GALNTL6: variants seen among roughly 807,000 people sequenced by gnomAD.
The protein encoded by GALNTL6 is polypeptide N-acetylgalactosaminyltransferase-like 6.
GALNTL6 carries 46 observed loss-of-function variants against 73.7 expected under a neutral mutation model. That is an observed-to-expected ratio of 0.62 (90% CI 0.49 to 0.80). The LOEUF is 0.80. GALNTL6 is among the 30% of genes least tolerant of loss of function. GALNTL6 has a pLI of 0.00. For missense variants in GALNTL6, 604 were observed against 755.0 expected (o/e 0.80, Z 2.34); for synonymous variants, 259 against 263.7 (o/e 0.98, Z 0.17).
chr4:171,828,192 T>A (rs1347542380), intron 2 of GALNTL6, among the ~76,000 whole-genome samples: 3 of 152,218 alleles, frequency 2.0e-5, no homozygotes, highest in Non-Finnish European at 4.4e-5. Flanking sequence ...TGCAGGAATT[T>A]CATAGCCACT....
intron 5 of GALNTL6, among the ~76,000 whole-genome samples, chr4:172,798,658 T>C: frequency 6.6e-6 from 1 of 152,130 alleles, no homozygotes; most frequent in South Asian, 2.1e-4. Flanking sequence ...TCAAATCATC[T>C]CCCAAAAGGT....
chr4:172,642,506 A>G lies in GALNTL6; in HGVS notation c.554-166855A>G, dbSNP rs574036919. Among the ~76,000 whole-genome samples the G allele has an allele frequency of 4.6e-5, 7 of 152,126 alleles. No homozygotes were observed. The South Asian group carries it at 1.4e-3, about 32-fold the overall frequency. On this transcript the variant is annotated intron_variant, in intron 5 of 12. Transcript: ENST00000506823. ...AGACAAATACTACATGATCTCACTT[A>G]TGTGGAATCTTAAAAAGTCAAATTT...
intron 5 of GALNTL6, among the ~76,000 whole-genome samples, chr4:172,751,413 T>G (rs1429250529): frequency 6.6e-6 from 1 of 152,224 alleles, no homozygotes; most frequent in Non-Finnish European, 1.5e-5. Flanking sequence ...CACATCTTAA[T>G]AGGACAAACT....
At chr4:171,835,542 G>C (rs1230033180) in intron 2 of GALNTL6, among the ~76,000 whole-genome samples, 1 of 151,886 alleles carries the variant, frequency 6.6e-6, no homozygotes, top group South Asian at 2.1e-4. Context: ...CTATTATTAT[G>C]TATAATGTAA....
intron 5 of GALNTL6, among the ~76,000 whole-genome samples, chr4:172,569,303 C>T (rs755825441): frequency 1.3e-5 from 2 of 152,078 alleles, no homozygotes; most frequent in African/African-American, 2.4e-5. Flanking sequence ...AGGGAGCTCT[C>T]GCAGGTCTCT....
At chr4:171,884,795 C>T (rs1213406353) in intron 2 of GALNTL6, among the ~76,000 whole-genome samples, 2 of 152,028 alleles carry the variant, frequency 1.3e-5, no homozygotes, top group African/African-American at 4.8e-5. Context: ...GTGGCTCATG[C>T]ATGTAATCCT....
chr4:172,763,134 G>A (rs1055986896), intron 5 of GALNTL6, among the ~76,000 whole-genome samples: 1 of 151,166 alleles, frequency 6.6e-6, no homozygotes, highest in Admixed American at 6.6e-5. Context: ...GAAGAAAACA[G>A]TTATTACAGC....
At chr4:172,054,089 T>C (rs1172623375) in intron 2 of GALNTL6, among the ~76,000 whole-genome samples, 1 of 152,044 alleles carries the variant, frequency 6.6e-6, no homozygotes, top group Admixed American at 6.6e-5. Flanking sequence ...CTTTCTAAAG[T>C]TAGAAATCTT....
At chr4:172,431,915 A>G (rs1158500924) in intron 5 of GALNTL6, among the ~76,000 whole-genome samples, 1 of 152,148 alleles carries the variant, frequency 6.6e-6, no homozygotes, top group Non-Finnish European at 1.5e-5. Context: ...ACTTGTAACT[A>G]TTATATGACA....
chr4:172,379,568 G>A, intron 5 of GALNTL6, among the ~76,000 whole-genome samples: 3 of 147,164 alleles, frequency 2.0e-5, no homozygotes, highest in Admixed American at 6.8e-5. Context: ...GAACGGGTTA[G>A]CTGCTTTTAA....
At chr4:172,138,624 G>T (rs1277672866) in intron 2 of GALNTL6, among the ~76,000 whole-genome samples, 2 of 136,538 alleles carry the variant, frequency 1.5e-5, no homozygotes, top group African/African-American at 5.5e-5. Context: ...CCACCTCCCG[G>T]GTTCACGCCA....
chr4:172,768,075 G>C (rs1738549199), intron 5 of GALNTL6, among the ~76,000 whole-genome samples: 1 of 152,112 alleles, frequency 6.6e-6, no homozygotes, highest in Admixed American at 6.5e-5. Flanking sequence ...CTTTCTTTCT[G>C]AGTGATAGAT....
At chr4:171,993,156 A>G (rs1490669918) in intron 2 of GALNTL6, among the ~76,000 whole-genome samples, 1 of 151,968 alleles carries the variant, frequency 6.6e-6, no homozygotes, top group Non-Finnish European at 1.5e-5. Flanking sequence ...AATTCAGACA[A>G]TGGAATGGGT....
At chr4:172,140,311 T>G (rs1733766881) in intron 2 of GALNTL6, among the ~76,000 whole-genome samples, 1 of 152,058 alleles carries the variant, frequency 6.6e-6, no homozygotes, top group African/African-American at 2.4e-5. Flanking sequence ...AATATAGTAC[T>G]CAGGAGAACA....
chr4:172,785,854 T>C (rs1313384581), intron 5 of GALNTL6, among the ~76,000 whole-genome samples: 1 of 152,164 alleles, frequency 6.6e-6, no homozygotes, highest in Non-Finnish European at 1.5e-5. Flanking sequence ...ATGTTTTCTG[T>C]ATGTGAGTTT....
Position 173,040,119 on chromosome 4 carries a change from G to T in GALNTL6, c.*19G>T, listed in dbSNP as rs1280347654. ...CTCCTAGAAAGAAGAAAGGAAGAAA[G>T]AGTGATTACCTACAGGTTATAAATT... On this transcript the variant is annotated 3_prime_UTR_variant, in exon 13 of 13. Transcript: ENST00000506823. 1.9e-6 allele frequency: 3 copies of T among 1,583,880 alleles called. No homozygotes were observed.
Position 172,537,798 on chromosome 4 carries a change from A to G in GALNTL6, c.553+189109A>G, listed in dbSNP as rs111826534. ...CCTAGAGAATAATGGAAATCAAAGT[A>G]TATAAATCTAGTGAAACCAAGATAA... is the stretch of plus-strand genomic sequence containing the variant. On this transcript the variant is annotated intron_variant, in intron 5 of 12. Coordinates refer to ENST00000506823, the MANE Select transcript of GALNTL6 (RefSeq NM_001034845.3). 3.0e-3 allele frequency among the ~76,000 whole-genome samples: 460 copies of G among 152,358 alleles called. 2 individuals carry two copies. Among genetic ancestry groups the G allele is most frequent in the African/African-American group, 0.01 (426 of 41,594 alleles).
At chr4:172,343,147 C>CAAACA (rs986024672) in intron 4 of GALNTL6, among the ~76,000 whole-genome samples, 12 of 152,022 alleles carry the variant, frequency 7.9e-5, no homozygotes, top group African/African-American at 2.2e-4. Context: ...AAAAAACAAA[C>CAAACA]AAACAAAACA....
chr4:172,050,092 C>T (rs1461673221), intron 2 of GALNTL6, among the ~76,000 whole-genome samples: 1 of 152,096 alleles, frequency 6.6e-6, no homozygotes, highest in Admixed American at 6.6e-5. Context: ...CATTTTCTGG[C>T]TGGCAGGCTG....
Sources: gnomAD v4.1 joint callset for allele counts (sites outside exome capture counted in the v4.1 genomes callset) on GRCh38, gnomAD v4.1.1 for gene constraint, MANE v1.5 for transcripts, NCBI Gene and HGNC (gene_info 2026-07-23, HGNC 2026-07-21) for gene names.